The following DCT variants were observed in gnomAD, a reference collection of about 807,000 sequenced individuals.
The protein encoded by DCT is dopachrome tautomerase, also known as L-dopachrome tautomerase.
A neutral mutation model predicts 53.0 loss-of-function variants in DCT; 47 were observed. The observed-to-expected ratio is 0.89, with a 90% CI of 0.70 to 1.13. DCT has a LOEUF of 1.13. DCT is among the 50% of genes most tolerant of loss of function. The pLI is 0.00. For synonymous variants in DCT, 244 were observed against 237.0 expected (o/e 1.03, Z -0.27); for missense variants, 669 against 637.4 (o/e 1.05, Z -0.53).
chr13:94,479,198 C>T lies in DCT; in HGVS notation c.58G>A (p.Gly20Arg). 1 of 1,609,154 alleles carries T rather than the reference C, an allele frequency of 6.2e-7. No individual in the cohort carries two copies. The highest frequency in any genetic ancestry group is 1.1e-5 in the South Asian group (1 of 90,972). The change falls in exon 1 of 8, where the codon GGA becomes AGA. Residue 20 changes from glycine to arginine, a missense_variant. By Grantham distance (125) the Gly-to-Arg change is moderately radical (BLOSUM62 -2). Transcript: ENST00000377028. The part of the protein sequence containing the change: ...LSCLGCKILP[G>R]AQGQFPRVCM... ...ACTCGGGGGAACTGACCCTGGGCTC[C>T]TGGCAGGATTTTGCAGCCCAAGCAA...
intron 2 of DCT, chr13:94,468,118 G>A (rs1201945359): frequency 6.6e-6 from 1 of 152,350 alleles, no homozygotes; most frequent in Non-Finnish European, 1.5e-5. Flanking sequence ...CTAAGCAGCA[G>A]AAACTCTACA....
chr13:94,492,661 A>G, the DCT span, among the ~76,000 whole-genome samples: 3 of 152,200 alleles, frequency 2.0e-5, no homozygotes, highest in African/African-American at 7.2e-5. Context: ...CCCAAATTTG[A>G]GGTTTAATAT....
At chr13:94,541,504 CAA>C in the DCT span, among the ~76,000 whole-genome samples, 3 of 129,396 alleles carry the variant, frequency 2.3e-5, no homozygotes, top group African/African-American at 8.4e-5. Flanking sequence ...AACCCTGTCT[CAA>C]AAAAAAAAGA....
the DCT span, among the ~76,000 whole-genome samples, chr13:94,539,967 C>T: frequency 2.0e-5 from 3 of 151,976 alleles, no homozygotes; most frequent in Non-Finnish European, 4.4e-5. Context: ...AGACATACAA[C>T]AATTACTTAT....
chr13:94,470,768 T>C lies in DCT; in HGVS notation c.296-1723A>G, dbSNP rs114025883. Among the ~76,000 whole-genome samples the C allele has an allele frequency of 2.8e-3, 431 of 152,326 alleles. 1 individual carries two copies. Among genetic ancestry groups the C allele is most frequent in the African/African-American group, 9.5e-3 (394 of 41,570 alleles). On this transcript the variant is annotated intron_variant, in intron 1 of 7. Transcript: ENST00000377028. ...ACGTTTGTGCTCTCTAAGGTCATTCTTGATTCCAAAGGTCGGGGTTCGGGT... is the reference window on the plus strand; with the variant it reads ...ACGTTTGTGCTCTCTAAGGTCATTCCTGATTCCAAAGGTCGGGGTTCGGGT...
chr13:94,501,714 C>G, the DCT span, among the ~76,000 whole-genome samples: 3 of 151,894 alleles, frequency 2.0e-5, no homozygotes, highest in African/African-American at 7.2e-5. Flanking sequence ...GGCAAGACCA[C>G]CAAACCTGCG....
chr13:94,465,655 T>C lies in DCT; in HGVS notation c.841A>G (p.Ser281Gly), dbSNP rs139109752. ...TACCTATCACAGACAGTTTCCCAGCTGGAGAATCTTGAGTTCCGACTAATC... is the reference window on the plus strand; with the variant it reads ...TACCTATCACAGACAGTTTCCCAGCCGGAGAATCTTGAGTTCCGACTAATC... ...TLISRNSRFSSWETVCDSLDD... is the reference protein window; with the variant it reads ...TLISRNSRFSGWETVCDSLDD... The change falls in exon 4 of 8, where the codon AGC (serine) becomes GGC (glycine). Residue 281 changes from serine (S) to glycine (G), a missense_variant. By Grantham distance (56) the Ser-to-Gly change is moderately conservative. Transcript: ENST00000377028. 3.1e-6 allele frequency: 5 copies of C among 1,613,492 alleles called. No individual in the cohort carries two copies. Among genetic ancestry groups the C allele is most frequent in the Non-Finnish European group, 4.2e-6 (5 of 1,179,806 alleles).
chr13:94,518,108 GGGAAGGAAGGAAGGAAGGAAGGAAGGAA>G, the DCT span, among the ~76,000 whole-genome samples: 39 of 125,172 alleles, frequency 3.1e-4, no homozygotes, highest in African/African-American at 1.0e-3. Context: ...GGGAAACGAA[GGGAAGGAAGGAAGGAAGGAAGGAAGGAA>G]GGAAGGAAGG....
At position 94,438,447 on chromosome 13, in the gene DCT, G is replaced by A; in HGVS notation, c.*1451C>T. 1 of 325,150 alleles carries A rather than the reference G, an allele frequency of 3.1e-6. No individual in the cohort carries two copies. Among genetic ancestry groups the A allele is most frequent in the Non-Finnish European group, 6.1e-6 (1 of 164,484 alleles). The allele number at this position is 325,150 out of a possible 1,614,324, so 20.1% of individuals were successfully genotyped here. A position where few individuals can be genotyped will look rare whatever the true frequency, so the allele number is the denominator to read the frequency against. On this transcript the variant is annotated 3_prime_UTR_variant, in exon 8 of 8. Transcript: ENST00000377028. Reference sequence around the variant, plus strand: ...TGGCTTTAGCAGTCCTTTTGCATGGGGTAAACTGGTTCTTGATGAGTCTTG... The same window carrying A: ...TGGCTTTAGCAGTCCTTTTGCATGGAGTAAACTGGTTCTTGATGAGTCTTG...
intron 1 of DCT, among the ~76,000 whole-genome samples, chr13:94,472,286 G>T (rs1884693694): frequency 6.6e-6 from 1 of 151,596 alleles, no homozygotes; most frequent in Non-Finnish European, 1.5e-5. Flanking sequence ...CACTAAACAT[G>T]CACTGACAGT....
the DCT span, among the ~76,000 whole-genome samples, chr13:94,520,849 G>C: frequency 6.6e-6 from 1 of 152,186 alleles, no homozygotes; most frequent in Non-Finnish European, 1.5e-5. Flanking sequence ...AGAAAATATA[G>C]ATTCTGCTTT....
chr13:94,526,007 A>ACTTCATT, the DCT span, among the ~76,000 whole-genome samples: 1 of 152,250 alleles, frequency 6.6e-6, no homozygotes, highest in Non-Finnish European at 1.5e-5. Flanking sequence ...GGTCAGCACA[A>ACTTCATT]CTTCATTCAA....
chr13:94,504,406 T>A, the DCT span, among the ~76,000 whole-genome samples: 1 of 152,144 alleles, frequency 6.6e-6, no homozygotes, highest in Non-Finnish European at 1.5e-5. Context: ...TCGCTCTTGT[T>A]GCCCAGGCTG....
chr13:94,542,836 A>G, the DCT span, among the ~76,000 whole-genome samples: 1 of 152,198 alleles, frequency 6.6e-6, no homozygotes, highest in African/African-American at 2.4e-5. Flanking sequence ...ACCCTGAAAT[A>G]AACCCAAAAA....
At chr13:94,521,214 A>G in the DCT span, among the ~76,000 whole-genome samples, 2 of 152,244 alleles carry the variant, frequency 1.3e-5, no homozygotes, top group Admixed American at 6.5e-5. Context: ...AAACAGGGAC[A>G]AAAACCTGTG....
At chr13:94,445,499 C>A (rs1238991406) in intron 6 of DCT, among the ~76,000 whole-genome samples, 4 of 152,162 alleles carry the variant, frequency 2.6e-5, no homozygotes, top group African/African-American at 9.7e-5. Flanking sequence ...CACAGCTGTT[C>A]CAACACCTAT....
intron 6 of DCT, among the ~76,000 whole-genome samples, chr13:94,454,982 A>G (rs544210061): frequency 6.6e-6 from 1 of 152,350 alleles, no homozygotes; most frequent in East Asian, 1.9e-4. Context: ...AGAAACAACG[A>G]ACACAAAGAT....
the DCT span, among the ~76,000 whole-genome samples, chr13:94,509,749 T>C: frequency 2.0e-5 from 3 of 152,174 alleles, no homozygotes; most frequent in African/African-American, 7.2e-5. Flanking sequence ...CTAGAAGTGC[T>C]GTGAGAATCA....
At chr13:94,459,637 T>C (rs1883647905) in intron 6 of DCT, among the ~76,000 whole-genome samples, 1 of 152,174 alleles carries the variant, frequency 6.6e-6, no homozygotes, top group South Asian at 2.1e-4. Flanking sequence ...GCTGCTTTTC[T>C]TCTTTCTCAA....
Sources: allele counts gnomAD v4.1 joint callset (sites outside exome capture counted in the v4.1 genomes callset), GRCh38; gene constraint gnomAD v4.1.1; transcripts MANE v1.5; gene names NCBI Gene and HGNC (gene_info 2026-07-23, HGNC 2026-07-21).